Variants in ROR2 observed in about 807,000 individuals in gnomAD.
The protein encoded by ROR2 is ROR family WNT receptor 2.
A neutral mutation model predicts 74.9 loss-of-function variants in ROR2; 33 were observed. That is an observed-to-expected ratio of 0.44 (90% CI 0.33 to 0.59). ROR2 has a LOEUF of 0.59. Ranked by LOEUF, ROR2 falls within the 20% of genes least tolerant of loss-of-function variation. The pLI, the probability that ROR2 is intolerant of heterozygous loss-of-function variation, is 0.02. For missense variants in ROR2, 1,216 were observed against 1,313.8 expected (o/e 0.93, Z 1.15); for synonymous variants, 586 against 558.7 (o/e 1.05, Z -0.69).
intron 1 of ROR2, among the ~76,000 whole-genome samples, chr9:91,932,533 G>C (rs185566834): frequency 1.3e-5 from 2 of 151,904 alleles, no homozygotes; most frequent in African/African-American, 2.4e-5. Context: ...GTGTGGTGGC[G>C]CATGCCTCTA....
intron 4 of ROR2, among the ~76,000 whole-genome samples, chr9:91,744,747 C>T (rs1825354494): frequency 6.6e-6 from 1 of 152,186 alleles, no homozygotes; most frequent in African/African-American, 2.4e-5. Flanking sequence ...GCAATGGCCA[C>T]CTCTAAGGCC....
Position 91,777,995 on chromosome 9 carries a change from A to T in ROR2, c.98-2177T>A, listed in dbSNP as rs138397227. On this transcript the variant is annotated intron_variant, in intron 1 of 8. Transcript: ENST00000375708. ...AAGGAGAAGGGGATGTGGAAAACATACATGAGGCCGCAGAGATGACTGAAG... is the reference window on the plus strand; with the variant it reads ...AAGGAGAAGGGGATGTGGAAAACATTCATGAGGCCGCAGAGATGACTGAAG... 7.0e-3 allele frequency among the ~76,000 whole-genome samples: 1,070 copies of T among 152,294 alleles called. 8 individuals carry two copies. Among genetic ancestry groups the T allele is most frequent in the Middle Eastern group, 0.054 (16 of 294 alleles).
At chr9:91,752,481 G>T (rs1825623549) in intron 4 of ROR2, among the ~76,000 whole-genome samples, 2 of 152,152 alleles carry the variant, frequency 1.3e-5, no homozygotes, top group Non-Finnish European at 2.9e-5. Flanking sequence ...AGGCTTAAGT[G>T]GCTACATCCT....
chr9:91,723,789 T>G lies in ROR2; in HGVS notation c.2705A>C (p.Glu902Ala). 6.2e-7 allele frequency: 1 copy of G among 1,613,804 alleles called. No individual in the cohort carries two copies. The highest frequency in any genetic ancestry group is 8.5e-7 in the Non-Finnish European group (1 of 1,180,020). The stretch of plus-strand genomic sequence containing the variant: ...CTGCACGGTGCTCTGGGCCCCATCT[T>G]CTGGGGCGTTCTGTGTGTCATCAGC... ...EGADDTQNAP[E>A]DGAQSTVQEA... Residue 902 changes from glutamate to alanine, a missense_variant, in exon 9 of 9, where the codon GAA (glutamate) becomes GCA (alanine). By Grantham distance (107) the Glu-to-Ala change is moderately radical. Transcript: ENST00000375708.
At chr9:91,799,089 C>T (rs1055371944) in intron 1 of ROR2, among the ~76,000 whole-genome samples, 17 of 152,258 alleles carry the variant, frequency 1.1e-4, no homozygotes, top group African/African-American at 4.1e-4. Context: ...TGGCATTGTT[C>T]CTTTTCTTGT....
intron 1 of ROR2, among the ~76,000 whole-genome samples, chr9:91,800,203 G>A (rs1384158116): frequency 1.3e-5 from 2 of 152,160 alleles, no homozygotes; most frequent in East Asian, 3.9e-4. Flanking sequence ...TTAGCCGGGG[G>A]CGGTGGCACA....
intron 1 of ROR2, among the ~76,000 whole-genome samples, chr9:91,798,609 G>A (rs1318704973): frequency 7.9e-6 from 1 of 126,570 alleles, no homozygotes; most frequent in African/African-American, 3.5e-5. Context: ...TGGGCTCTGT[G>A]GGTGGGGAAT....
chr9:91,728,425 G>GTGTT (rs141451803), intron 7 of ROR2, among the ~76,000 whole-genome samples: 2 of 152,040 alleles, frequency 1.3e-5, no homozygotes, highest in African/African-American at 2.4e-5. Flanking sequence ...TTGAGACAGA[G>GTGTT]TGTTTGTTTA....
intron 1 of ROR2, among the ~76,000 whole-genome samples, chr9:91,812,464 C>T (rs1476713322): frequency 6.6e-6 from 1 of 152,052 alleles, no homozygotes; most frequent in African/African-American, 2.4e-5. Flanking sequence ...TTGATGGTGA[C>T]TGTGAAAACC....
chr9:91,858,298 C>A (rs1394778038), intron 1 of ROR2, among the ~76,000 whole-genome samples: 1 of 152,236 alleles, frequency 6.6e-6, no homozygotes, highest in African/African-American at 2.4e-5. Context: ...CATGCATCCA[C>A]ACGGGCATAC....
At chr9:91,897,629 T>A (rs1013544444) in intron 1 of ROR2, among the ~76,000 whole-genome samples, 1 of 151,906 alleles carries the variant, frequency 6.6e-6, no homozygotes, top group African/African-American at 2.4e-5. Context: ...GCCTAAGATG[T>A]GGGGTGAGCT....
At chr9:91,754,995 A>T (rs1825699920) in intron 4 of ROR2, among the ~76,000 whole-genome samples, 1 of 152,128 alleles carries the variant, frequency 6.6e-6, no homozygotes, top group Non-Finnish European at 1.5e-5. Flanking sequence ...TACAAAAAAT[A>T]AGAAAAAATT....
intron 1 of ROR2, among the ~76,000 whole-genome samples, chr9:91,895,447 A>G (rs1429949785): frequency 6.6e-6 from 1 of 152,252 alleles, no homozygotes. Flanking sequence ...CAACTGTAGA[A>G]AACACACCAC....
chr9:91,749,022 G>A (rs1039064907), intron 4 of ROR2, among the ~76,000 whole-genome samples: 3 of 152,090 alleles, frequency 2.0e-5, no homozygotes, highest in Non-Finnish European at 4.4e-5. Context: ...GCGAAACTCC[G>A]TCTCCAAAGA....
At position 91,757,330 on chromosome 9, in the gene ROR2, G is replaced by C. The variant is rs776789257; in HGVS notation, c.405C>G (p.Cys135Trp). 1 of 1,613,990 alleles carries C rather than the reference G, an allele frequency of 6.2e-7. No homozygotes were observed. The highest frequency in any genetic ancestry group is 8.5e-7 in the Non-Finnish European group (1 of 1,179,992). ...TGGTCTTCATCCCGTTGGTGGCCAC[G>C]CACTGGTAGTAGCCAGTGTCTGTCG... ...LDTTDTGYYQ[C>W]VATNGMKTIT... Residue 135 changes from cysteine (C) to tryptophan (W), a missense_variant, in exon 3 of 9, where the codon TGC becomes TGG. Physicochemically the swap from Cys to Trp is radical, Grantham distance 215. Coordinates refer to ENST00000375708, the MANE Select transcript of ROR2 (RefSeq NM_004560.4).
chr9:91,725,177 CG>C lies in ROR2; in HGVS notation c.1387-71del, dbSNP rs1836983481. 55 of 1,603,500 alleles carry C rather than the reference CG, an allele frequency of 3.4e-5. No homozygotes were observed. In the South Asian group the frequency reaches 5.7e-4, roughly 17 times the overall value. On this transcript the variant is annotated intron_variant, in intron 8 of 8. Transcript: ENST00000375708. ...GCCCTGGAGGAAGCTGCAGAGCAGC[CG>C]GGAGGAGTGGAGTCCCTGTGCGGCC...
At chr9:91,882,118 T>C (rs916342792) in intron 1 of ROR2, among the ~76,000 whole-genome samples, 2 of 151,952 alleles carry the variant, frequency 1.3e-5, no homozygotes, top group Non-Finnish European at 2.9e-5. Context: ...TCTATAGAAC[T>C]AGCCTATGAC....
intron 5 of ROR2, among the ~76,000 whole-genome samples, chr9:91,734,401 T>G (rs1392662930): frequency 6.6e-6 from 1 of 152,188 alleles, no homozygotes; most frequent in Non-Finnish European, 1.5e-5. Context: ...GAAGCTGGCA[T>G]TTAGTCCCTG....
intron 1 of ROR2, among the ~76,000 whole-genome samples, chr9:91,805,261 C>CCAAGA (rs1211722244): frequency 6.6e-6 from 1 of 152,224 alleles, no homozygotes; most frequent in African/African-American, 2.4e-5. Context: ...TTCTGTCCAT[C>CCAAGA]CACTCCAAGA....
Sources: gnomAD v4.1 joint callset for allele counts (sites outside exome capture counted in the v4.1 genomes callset) on GRCh38, gnomAD v4.1.1 for gene constraint, MANE v1.5 for transcripts, NCBI Gene and HGNC (gene_info 2026-07-23, HGNC 2026-07-21) for gene names.